The following VMA21 variants were observed in gnomAD, a reference collection of about 807,000 sequenced individuals.
The protein encoded by VMA21 is vacuolar ATPase assembly factor VMA21.
For synonymous variants in VMA21, 47 were observed against 34.1 expected (o/e 1.38, Z -1.32); for missense variants, 61 against 80.6 (o/e 0.76, Z 0.93).
At chrX:151,403,882 CTT>C in intron 2 of VMA21, 142 bp downstream of exon 2, 1 of 457,984 alleles carries the variant, frequency 2.2e-6, no homozygotes, top group South Asian at 3.2e-5. Flanking sequence ...CATAATGAGT[CTT>C]TATGAAATAA....
chrX:151,398,245 A>G (rs933580652), intron 1 of VMA21, among the ~76,000 whole-genome samples: 1 of 102,493 alleles, frequency 9.8e-6, no homozygotes, highest in Non-Finnish European at 2.0e-5. Context: ...TTTGTTATAT[A>G]GGTAAACTGC....
chrX:151,396,934 C>T (rs1460106304), upstream of VMA21: 6 of 522,276 alleles, frequency 1.1e-5, no homozygotes, highest in Non-Finnish European at 2.1e-5. Context: ...AGCCGCCGCC[C>T]GCCCAGGAGG....
At chrX:151,396,924 AG>A (rs1417833819), upstream of VMA21, 30 of 521,617 alleles carry the variant, frequency 5.8e-5, no homozygotes, top group Admixed American at 5.6e-4. Context: ...GGGGCGGCGT[AG>A]CCGCCGCCCG....
At chrX:151,404,310 G>T (rs1357029440) in intron 2 of VMA21, among the ~76,000 whole-genome samples, 2 of 112,077 alleles carry the variant, frequency 1.8e-5, no homozygotes, top group Non-Finnish European at 3.8e-5. Context: ...CGTGACCTCA[G>T]GTGATCCACC....
intron 1 of VMA21, among the ~76,000 whole-genome samples, chrX:151,400,186 C>T (rs2011226850): frequency 9.1e-6 from 1 of 109,500 alleles, no homozygotes; most frequent in Non-Finnish European, 1.9e-5. Context: ...TTCCTATTTC[C>T]TCCCCTCCAG....
intron 2 of VMA21, among the ~76,000 whole-genome samples, chrX:151,404,543 C>T (rs752265671): frequency 1.8e-5 from 2 of 111,254 alleles, no homozygotes; most frequent in South Asian, 3.8e-4. Flanking sequence ...CTCAGCCTCC[C>T]GAGTAGCTGG....
At chrX:151,397,111 G>GCGCCGCGCCGCGC (rs2011197517), upstream of VMA21, 1 of 341,161 alleles carries the variant, frequency 2.9e-6, no homozygotes, top group African/African-American at 2.9e-5. Flanking sequence ...CGTCGCTGCG[G>GCGCCGCGCCGCGC]CGCGCCGCGC....
chrX:151,398,189 T>TG (rs1237697392), intron 1 of VMA21, among the ~76,000 whole-genome samples: 1 of 108,330 alleles, frequency 9.2e-6, no homozygotes, highest in Non-Finnish European at 1.9e-5. Context: ...GAGTTTTTTT[T>TG]TTTTTTTTTT....
chrX:151,403,849 G>A (rs2011258749), intron 2 of VMA21, 109 bp downstream of exon 2: 2 of 559,541 alleles, frequency 3.6e-6, no homozygotes, highest in Non-Finnish European at 5.9e-6. Flanking sequence ...TTCTTGTTTA[G>A]CTTTTCAAAA....
At chrX:151,397,924 C>G (rs1312263431) in intron 1 of VMA21, among the ~76,000 whole-genome samples, 2 of 111,531 alleles carry the variant, frequency 1.8e-5, no homozygotes, top group East Asian at 5.7e-4. Context: ...TTCGTTAAGA[C>G]CTACTGTATG....
Position 151,409,048 on chromosome X carries a change from A to T in VMA21, c.*3990A>T. On this transcript the variant is annotated 3_prime_UTR_variant, in exon 3 of 3. Transcript: ENST00000330374. ...ACACATTCTCATTTGAGTTTTGCAT[A>T]GTGAACCTGTTACGAGATGTCTCTT... 1 of 112,953 alleles carries T rather than the reference A, an allele frequency of 8.9e-6. No homozygotes were observed. Among genetic ancestry groups the T allele is most frequent in the East Asian group, 2.8e-4 (1 of 3,570 alleles). The allele number at this position is 112,953 out of a possible 1,213,427, so 9.3% of individuals were successfully genotyped here.
At position 151,406,318 on chromosome X, in the gene VMA21, T is replaced by A. The variant is rs2011291292; in HGVS notation, c.*1260T>A. 1 of 112,309 alleles carries A rather than the reference T, an allele frequency of 8.9e-6. No individual in the cohort carries two copies. The highest frequency in any genetic ancestry group is 1.9e-5 in the Non-Finnish European group (1 of 53,307). 9.3% of individuals were successfully genotyped at this position (112,309 alleles called of 1,213,427 possible). On this transcript the variant is annotated 3_prime_UTR_variant, in exon 3 of 3. Transcript: ENST00000330374. ...AATTCTGCCAGCTTTTCCTGACAGC[T>A]ATTTGCATTTTTTTCAGATGAGTGA...
upstream of VMA21, chrX:151,397,046 G>A: frequency 2.0e-6 from 1 of 496,593 alleles, no homozygotes; most frequent in Non-Finnish European, 3.6e-6. Flanking sequence ...GCACGCCGCG[G>A]AGCCACCGCC....
rs1272114871 is a variant in VMA21 at position 151,407,088 on chromosome X, T to A, written c.*2030T>A. On this transcript the variant is annotated 3_prime_UTR_variant, in exon 3 of 3. Transcript: ENST00000330374. ...TTTTTATATAATGCCAAGGTATTTC[T>A]TGTGCTTTTGGGATCTTATGCTGTT... The A allele has an allele frequency of 3.5e-5, 4 of 112,713 alleles. No homozygotes were observed. The Admixed American group carries it at 3.7e-4, about 11-fold the overall frequency. 9.3% of individuals were successfully genotyped at this position (112,713 alleles called of 1,213,427 possible). A position where few individuals can be genotyped will look rare whatever the true frequency, so the allele number is the denominator to read the frequency against.
At position 151,404,896 on chromosome X, in the gene VMA21, T is replaced by G; in HGVS notation, c.164-20T>G. 1 of 1,205,870 alleles carries G rather than the reference T, an allele frequency of 8.3e-7. No homozygotes were observed. Among genetic ancestry groups the G allele is most frequent in the Non-Finnish European group, 1.1e-6 (1 of 893,245 alleles). On this transcript the variant is annotated intron_variant, in intron 2 of 2. Coordinates refer to ENST00000330374, the MANE Select transcript of VMA21 (RefSeq NM_001017980.4). Reference sequence around the variant, plus strand: ...GTAAATTTTGCAATAAAATGGAAACTGTTTTTTTTCTCTTGATAGGCGCCC... The same window carrying G: ...GTAAATTTTGCAATAAAATGGAAACGGTTTTTTTTCTCTTGATAGGCGCCC...
rs1200250025 is a variant in VMA21, at chrX:151,407,062, C to A, written c.*2004C>A. 8.9e-6 allele frequency: 1 copy of A among 112,433 alleles called. No homozygotes were observed. The highest frequency in any genetic ancestry group is 1.9e-5 in the Non-Finnish European group (1 of 53,318). The allele number at this position is 112,433 out of a possible 1,213,427, so 9.3% of individuals were successfully genotyped here. On this transcript the variant is annotated 3_prime_UTR_variant, in exon 3 of 3. Transcript: ENST00000330374. ...GTATTTAGAATTGTCCACCTAATTTCTTTTTATATAATGCCAAGGTATTTC... is the reference window on the plus strand; with the variant it reads ...GTATTTAGAATTGTCCACCTAATTTATTTTTATATAATGCCAAGGTATTTC...
At chrX:151,398,898 C>G (rs1224321874) in intron 1 of VMA21, among the ~76,000 whole-genome samples, 1 of 112,393 alleles carries the variant, frequency 8.9e-6, no homozygotes, top group African/African-American at 3.2e-5. Context: ...TAATTCCAGC[C>G]TTTCTCATTC....
At position 151,408,695 on chromosome X, in the gene VMA21, G is replaced by T. The variant is rs2011321479; in HGVS notation, c.*3637G>T. 2 of 112,547 alleles carry T rather than the reference G, an allele frequency of 1.8e-5. No homozygotes were observed. Among genetic ancestry groups the T allele is most frequent in the Non-Finnish European group, 3.7e-5 (2 of 53,339 alleles). 9.3% of individuals were successfully genotyped at this position (112,547 alleles called of 1,213,427 possible). On this transcript the variant is annotated 3_prime_UTR_variant, in exon 3 of 3. Transcript: ENST00000330374. ...CTTTTTCCCTTTTCAGGGGGAAAGG[G>T]TCACCTTAAAAATAAATTATTTTCA...
intron 1 of VMA21, 84 bp downstream of exon 1, chrX:151,397,445 T>TG (rs2011202422): frequency 9.5e-7 from 1 of 1,049,786 alleles, no homozygotes; most frequent in Admixed American, 2.7e-5. Context: ...GCTGAATGGG[T>TG]GGGCGTGAGG....
Sources: allele counts gnomAD v4.1 joint callset (sites outside exome capture counted in the v4.1 genomes callset), GRCh38; gene constraint gnomAD v4.1.1; transcripts MANE v1.5; gene names NCBI Gene and HGNC (gene_info 2026-07-23, HGNC 2026-07-21).